The following VPS13D variants were observed in gnomAD, a reference collection of about 807,000 sequenced individuals.
VPS13D encodes vacuolar protein sorting 13 homolog D.
VPS13D carries 187 observed loss-of-function variants against 461.9 expected under a neutral mutation model. That is an observed-to-expected ratio of 0.40 (90% CI 0.36 to 0.46). The LOEUF is 0.46. VPS13D is among the 20% of genes least tolerant of loss of function. The pLI is 0.60. For synonymous variants in VPS13D, 1,951 were observed against 1,986.3 expected (o/e 0.98, Z 0.47); for missense variants, 4,711 against 5,364.9 (o/e 0.88, Z 3.81).
intron 67 of VPS13D, among the ~76,000 whole-genome samples, chr1:12,462,363 AAGAG>A (rs1401436612): frequency 2.0e-5 from 3 of 152,126 alleles, no homozygotes; most frequent in Admixed American, 6.5e-5. Context: ...AGGTGAAGAG[AAGAG>A]AGAATCACCT....
At chr1:12,354,707 TCTC>T (rs542522339) in intron 47 of VPS13D, among the ~76,000 whole-genome samples, 156 of 152,312 alleles carry the variant, frequency 1.0e-3, no homozygotes, top group Middle Eastern at 3.4e-3. Flanking sequence ...TTATGCCTCT[TCTC>T]TTTTTATTGA....
At chr1:12,431,414 T>C (rs1427714994) in intron 65 of VPS13D, among the ~76,000 whole-genome samples, 1 of 149,800 alleles carries the variant, frequency 6.7e-6, no homozygotes, top group Non-Finnish European at 1.5e-5. Context: ...AGCTAATTAG[T>C]CACAGGGCTA....
intron 25 of VPS13D, among the ~76,000 whole-genome samples, chr1:12,304,266 A>G (rs1408666481): frequency 1.3e-5 from 2 of 152,258 alleles, no homozygotes; most frequent in African/African-American, 4.8e-5. Flanking sequence ...AGAAGTTTTC[A>G]GCAAGTATTG....
rs959335698 is a variant in VPS13D, at chr1:12,318,198, T to A, written c.7275T>A (p.His2425Gln). ...CCAGTGATATTAAGAAACAAAATCA[T>A]GTTACTCCTTCTCGCCACCGTAACT... The part of the protein sequence containing the change: ...HTPSDIKKQN[H>Q]VTPSRHRNSS... The change falls in exon 31 of 70, where the codon CAT (histidine) becomes CAA (glutamine). Residue 2425 changes from histidine to glutamine, a missense_variant. Coordinates refer to ENST00000620676, the MANE Select transcript of VPS13D (RefSeq NM_015378.4). 1 of 1,614,218 alleles carries A rather than the reference T, an allele frequency of 6.2e-7. No individual in the cohort carries two copies.
chr1:12,313,013 A>G (rs1342750459), intron 29 of VPS13D, among the ~76,000 whole-genome samples: 1 of 152,194 alleles, frequency 6.6e-6, no homozygotes, highest in Non-Finnish European at 1.5e-5. Context: ...CACACTTAAT[A>G]ACCTTTTCAT....
chr1:12,408,235 G>A (rs1288250992), intron 63 of VPS13D, among the ~76,000 whole-genome samples: 4 of 152,140 alleles, frequency 2.6e-5, no homozygotes. Context: ...TTGTGAAAAT[G>A]CACATATTCA....
chr1:12,373,987 G>A, intron 55 of VPS13D, 129 bp downstream of exon 55: 1 of 564,126 alleles, frequency 1.8e-6, no homozygotes, highest in Non-Finnish European at 2.9e-6. Flanking sequence ...CAGGCCTCTT[G>A]GCATTTCCAG....
In VPS13D at chr1:12,323,800, G is replaced by T; in HGVS notation, c.7990+20G>T. On this transcript the variant is annotated intron_variant, in intron 35 of 69. Transcript: ENST00000620676. ...GTCAAGGTAATTTGAACAGGGTTCT[G>T]TTACCCGTTGTTTATCTTGATGATA... The T allele has an allele frequency of 6.2e-7, 1 of 1,610,818 alleles. No homozygotes were observed. The highest frequency in any genetic ancestry group is 8.5e-7 in the Non-Finnish European group (1 of 1,177,736).
At chr1:12,407,260 G>C (rs1230759010) in intron 63 of VPS13D, 3 of 152,166 alleles carry the variant, frequency 2.0e-5, no homozygotes, top group Non-Finnish European at 4.4e-5. Flanking sequence ...AGACAGTTTT[G>C]TTTAGTGCAG....
chr1:12,504,722 C>A (rs1407962968), intron 68 of VPS13D, among the ~76,000 whole-genome samples: 1 of 152,344 alleles, frequency 6.6e-6, no homozygotes, highest in East Asian at 1.9e-4. Context: ...CAGAGTCACC[C>A]CTCCTCCAGA....
chr1:12,480,458 T>C (rs1490317014), intron 67 of VPS13D, among the ~76,000 whole-genome samples: 4 of 152,064 alleles, frequency 2.6e-5, no homozygotes, highest in African/African-American at 4.8e-5. Context: ...GATTGTTGGA[T>C]TGTGTTATGA....
In VPS13D at chr1:12,505,202, C is replaced by T. The variant is rs1646088967; in HGVS notation, c.12795-1651C>T. Reference sequence around the variant, plus strand: ...AGTTCTGGCTGGCGCTGTGTCACCTCTTCTCTGTGTCAGGATCATTTTTAT... The same window carrying T: ...AGTTCTGGCTGGCGCTGTGTCACCTTTTCTCTGTGTCAGGATCATTTTTAT... On this transcript the variant is annotated intron_variant, in intron 68 of 69. Transcript: ENST00000620676. This position sits in a 1 kb window ranked among gnomAD's most constrained non-coding sequence, Gnocchi z 4.2. Among the ~76,000 whole-genome samples the T allele has an allele frequency of 6.6e-6, 1 of 152,216 alleles. No individual in the cohort carries two copies. Among genetic ancestry groups the T allele is most frequent in the African/African-American group, 2.4e-5 (1 of 41,452 alleles).
At chr1:12,383,785 C>T (rs1557747220) in intron 58 of VPS13D, among the ~76,000 whole-genome samples, 1 of 152,210 alleles carries the variant, frequency 6.6e-6, no homozygotes, top group East Asian at 1.9e-4. Context: ...ACAAAACTCC[C>T]TGCCTTCTTG....
chr1:12,360,513 G>C (rs1402686133), intron 50 of VPS13D, among the ~76,000 whole-genome samples: 2 of 152,110 alleles, frequency 1.3e-5, no homozygotes, highest in African/African-American at 4.8e-5. Context: ...TCCAAAGATT[G>C]AGTGTCTGTA....
chr1:12,372,088 C>CT (rs1177704341), intron 54 of VPS13D, among the ~76,000 whole-genome samples: 2 of 151,912 alleles, frequency 1.3e-5, no homozygotes, highest in Non-Finnish European at 2.9e-5. Context: ...GACAAGGTCT[C>CT]TGTCACCCAG....
chr1:12,269,385 T>C (rs377154810), intron 16 of VPS13D, among the ~76,000 whole-genome samples: 2 of 152,252 alleles, frequency 1.3e-5, no homozygotes, highest in Admixed American at 1.3e-4. Flanking sequence ...TTTCATGATA[T>C]TGATTTAACC....
chr1:12,354,833 G>A (rs886776674), intron 47 of VPS13D, among the ~76,000 whole-genome samples: 9 of 152,174 alleles, frequency 5.9e-5, no homozygotes, highest in African/African-American at 2.2e-4. Flanking sequence ...TTTTACTGGG[G>A]AAGAAATGGG....
At position 12,277,606 on chromosome 1, in the gene VPS13D, G is replaced by T; in HGVS notation, c.4018G>T (p.Val1340Leu). ...CAAGACTGCCGAGTATAGCGAGATG[G>T]TATCGCTCTTTGAAACTCCAAGGAA... ...ATKTAEYSEMVSLFETPRKTR... is the reference protein window; with the variant it reads ...ATKTAEYSEMLSLFETPRKTR... The change falls in exon 19 of 70, where the codon GTA becomes TTA. Residue 1340 changes from valine to leucine, a missense_variant. Transcript: ENST00000620676. 6.2e-7 allele frequency: 1 copy of T among 1,613,918 alleles called. No individual in the cohort carries two copies. Among genetic ancestry groups the T allele is most frequent in the Non-Finnish European group, 8.5e-7 (1 of 1,180,024 alleles).
In VPS13D at chr1:12,245,417, A is replaced by C. The variant is rs191906541; in HGVS notation, c.447+800A>C. 6.6e-5 allele frequency among the ~76,000 whole-genome samples: 10 copies of C among 152,282 alleles called. 1 individual carries two copies. Among genetic ancestry groups the C allele is most frequent in the African/African-American group, 2.4e-4 (10 of 41,550 alleles). On this transcript the variant is annotated intron_variant, in intron 5 of 69. Transcript: ENST00000620676. ...TTAGTCATTATTTTCATTTTATCTT[A>C]GTTTAAGTAGTTTTATTGAGATATA...
Sources: allele counts gnomAD v4.1 joint callset (sites outside exome capture counted in the v4.1 genomes callset), GRCh38; gene constraint gnomAD v4.1.1; non-coding constraint Gnocchi (gnomAD v3.1); transcripts MANE v1.5; gene names NCBI Gene and HGNC (gene_info 2026-07-23, HGNC 2026-07-21).